The following PITPNM3 variants were observed in gnomAD, a reference collection of about 807,000 sequenced individuals.
PITPNM3 encodes membrane-associated phosphatidylinositol transfer protein 3.
Under a neutral mutation model 102.0 loss-of-function variants are expected in PITPNM3, and 26 were observed. The observed-to-expected ratio is 0.25, with a 90% CI of 0.19 to 0.35. The LOEUF is 0.35. Ranked by LOEUF, PITPNM3 falls within the 10% of genes least tolerant of loss-of-function variation. PITPNM3 has a pLI of 1.00. For missense variants in PITPNM3, 1,083 were observed against 1,346.1 expected (o/e 0.80, Z 3.06); for synonymous variants, 578 against 558.6 (o/e 1.03, Z -0.49).
intron 4 of PITPNM3, among the ~76,000 whole-genome samples, chr17:6,488,135 G>A (rs1906209751): frequency 6.6e-6 from 1 of 152,116 alleles, no homozygotes; most frequent in Non-Finnish European, 1.5e-5. Flanking sequence ...GACAAGCAGG[G>A]GCAGCCGTAG....
At chr17:6,539,344 G>C (rs1044229149) in intron 1 of PITPNM3, among the ~76,000 whole-genome samples, 2 of 152,040 alleles carry the variant, frequency 1.3e-5, no homozygotes, top group Non-Finnish European at 2.9e-5. Flanking sequence ...TGTATGTGGA[G>C]GACATTCTAG....
rs773041518 is a variant in PITPNM3, at chr17:6,471,228, G to A, written c.1557C>T (p.Ser519=). 44 of 1,613,144 alleles carry A rather than the reference G, an allele frequency of 2.7e-5. No individual in the cohort carries two copies. Among genetic ancestry groups the A allele is most frequent in the Middle Eastern group, 1.7e-4 (1 of 5,884 alleles). Residue 519 remains serine, a synonymous_variant, in exon 12 of 20, where the codon AGC becomes AGT. Coordinates refer to ENST00000262483, the MANE Select transcript of PITPNM3 (RefSeq NM_031220.4). ...AGCTCTCGCTGTGGGAGCTCCCCTC[G>A]CTCATCCTCCGTCCTGGGCGCTGGA... ...SRFQRPGRRM[S]EGSSHSESSE...
intron 1 of PITPNM3, 54 bp from the exon 2 acceptor site, chr17:6,538,136 G>T: frequency 7.1e-7 from 1 of 1,406,800 alleles, no homozygotes; most frequent in Non-Finnish European, 1.0e-6. Context: ...CCCAGTATGA[G>T]GGAGGTGACC....
At position 6,477,064 on chromosome 17, in the gene PITPNM3, G is replaced by A. The variant is rs762440586; in HGVS notation, c.1050C>T (p.Cys350=). 1.1e-5 allele frequency: 17 copies of A among 1,614,034 alleles called. No homozygotes were observed. Among genetic ancestry groups the A allele is most frequent in the South Asian group, 2.2e-5 (2 of 91,074 alleles). ...AGGCATGGTGCTGGGTGATGGCCTCGCAGTCATAGGTGGAGGAGTCGCTCT... is the reference window on the plus strand; with the variant it reads ...AGGCATGGTGCTGGGTGATGGCCTCACAGTCATAGGTGGAGGAGTCGCTCT... The part of the protein sequence containing the change: ...RKQSDSSTYD[C]EAITQHHAFL... Residue 350 remains cysteine (C), a synonymous_variant, in exon 9 of 20, where the codon TGC becomes TGT. Coordinates refer to ENST00000262483, the MANE Select transcript of PITPNM3 (RefSeq NM_031220.4).
At position 6,503,591 on chromosome 17, in the gene PITPNM3, G is replaced by C. The variant is rs1186289421; in HGVS notation, c.227-17C>G. Reference sequence around the variant, plus strand: ...TCCCTTCTCCTGCAGAAAAAGAAAAGAAACATGAGCAGATCCTTGACACTG... The same window carrying C: ...TCCCTTCTCCTGCAGAAAAAGAAAACAAACATGAGCAGATCCTTGACACTG... On this transcript the variant is annotated splice_polypyrimidine_tract_variant and intron_variant, in intron 3 of 19. Transcript: ENST00000262483. 1.9e-6 allele frequency: 3 copies of C among 1,606,448 alleles called. No homozygotes were observed. The East Asian group carries it at 6.7e-5, about 36-fold the overall frequency.
At chr17:6,488,432 C>T (rs1431921759) in intron 4 of PITPNM3, among the ~76,000 whole-genome samples, 1 of 152,028 alleles carries the variant, frequency 6.6e-6, no homozygotes, top group East Asian at 1.9e-4. Context: ...CGGCACTGGT[C>T]CTGGCTTACT....
intron 4 of PITPNM3, among the ~76,000 whole-genome samples, chr17:6,484,753 T>C (rs1220773846): frequency 2.6e-5 from 4 of 151,722 alleles, no homozygotes; most frequent in Non-Finnish European, 4.4e-5. Flanking sequence ...TGGTAAAACA[T>C]GTTCTCTGGG....
rs755638255 is a variant in PITPNM3, at chr17:6,455,656, G to C, written c.2620-13C>G. 8.6e-7 allele frequency: 1 copy of C among 1,159,634 alleles called. No individual in the cohort carries two copies. The highest frequency in any genetic ancestry group is 1.1e-6 in the Non-Finnish European group (1 of 882,268). 71.8% of individuals were successfully genotyped at this position (1,159,634 alleles called of 1,614,324 possible). ...CCTCGCTCAGGAACTGCGGAGGGCA[G>C]GGGAGGGCAGGGGAGGGCAGGGCAG... is the stretch of plus-strand genomic sequence containing the variant. On this transcript the variant is annotated splice_polypyrimidine_tract_variant and intron_variant, in intron 19 of 19. Transcript: ENST00000262483.
At chr17:6,463,698 G>A (rs745439365) in intron 17 of PITPNM3, 34 bp downstream of exon 17, 8 of 1,606,918 alleles carry the variant, frequency 5.0e-6, no homozygotes, top group Non-Finnish European at 5.9e-6. Context: ...CTGCCCCCCA[G>A]GGAGATATAG....
chr17:6,488,796 C>T (rs547304069), intron 4 of PITPNM3, among the ~76,000 whole-genome samples: 1 of 152,248 alleles, frequency 6.6e-6, no homozygotes, highest in East Asian at 1.9e-4. Flanking sequence ...TAAAGGGGAC[C>T]CCAGGACCTC....
chr17:6,464,822 T>A (rs778838525), intron 14 of PITPNM3, 51 bp from the exon 15 acceptor site: 5 of 1,567,846 alleles, frequency 3.2e-6, no homozygotes, highest in Non-Finnish European at 4.4e-6. Flanking sequence ...AGGCTCAACC[T>A]TGCTTTATCA....
chr17:6,452,287 G>A lies in PITPNM3; in HGVS notation c.*3051C>T, dbSNP rs1334503094. 6.6e-6 allele frequency: 1 copy of A among 152,218 alleles called. No homozygotes were observed. Among genetic ancestry groups the A allele is most frequent in the Non-Finnish European group, 1.5e-5 (1 of 68,046 alleles). 9.4% of individuals were successfully genotyped at this position (152,218 alleles called of 1,614,324 possible). ...CCATGATGCTGGAAGAGCAGGTCCT[G>A]GGCTAAGGATGCACCCTGAACCCCA... is the stretch of plus-strand genomic sequence containing the variant. On this transcript the variant is annotated 3_prime_UTR_variant, in exon 20 of 20. Coordinates refer to ENST00000262483, the MANE Select transcript of PITPNM3 (RefSeq NM_031220.4).
chr17:6,458,452 A>G lies in PITPNM3; in HGVS notation c.2491-730T>C, dbSNP rs539946102. On this transcript the variant is annotated intron_variant, in intron 18 of 19. Transcript: ENST00000262483. This position sits in a 1 kb window ranked among gnomAD's most constrained non-coding sequence, Gnocchi z 5.1. ...CCTGCCAAGCCCCACCATCACTGGGATGACCCACGGTCTGCATGACGTGAA... is the reference window on the plus strand; with the variant it reads ...CCTGCCAAGCCCCACCATCACTGGGGTGACCCACGGTCTGCATGACGTGAA... 2.7e-4 allele frequency among the ~76,000 whole-genome samples: 41 copies of G among 152,236 alleles called. No individual in the cohort carries two copies. In the South Asian group the frequency reaches 7.3e-3, roughly 27 times the overall value.
intron 10 of PITPNM3, chr17:6,473,102 C>T: frequency 2.0e-6 from 1 of 504,304 alleles, no homozygotes; most frequent in African/African-American, 1.9e-5. Context: ...CTCAAAACAT[C>T]CCTTCTCCTT....
intron 1 of PITPNM3, among the ~76,000 whole-genome samples, chr17:6,548,938 C>T (rs188438875): frequency 6.6e-6 from 1 of 152,230 alleles, no homozygotes; most frequent in Admixed American, 6.5e-5. Context: ...GGTTACTTCC[C>T]CTCCTTCCAG....
chr17:6,530,493 G>A (rs1042393786), intron 2 of PITPNM3, among the ~76,000 whole-genome samples: 5 of 152,204 alleles, frequency 3.3e-5, no homozygotes, highest in Non-Finnish European at 7.3e-5. Flanking sequence ...GGGGAGGGGA[G>A]GACCAGCCAG....
chr17:6,523,126 A>G (rs1337124847), intron 3 of PITPNM3, among the ~76,000 whole-genome samples: 1 of 152,096 alleles, frequency 6.6e-6, no homozygotes, highest in African/African-American at 2.4e-5. Flanking sequence ...AGGAAATAGT[A>G]CCAACCCTCG....
chr17:6,519,728 G>A (rs550465476), intron 3 of PITPNM3, among the ~76,000 whole-genome samples: 1 of 151,924 alleles, frequency 6.6e-6, no homozygotes, highest in African/African-American at 2.4e-5. Flanking sequence ...TATTCGGGAG[G>A]CTGAGGTAGG....
intron 3 of PITPNM3, among the ~76,000 whole-genome samples, chr17:6,523,071 T>C (rs1252619230): frequency 3.9e-5 from 6 of 152,142 alleles, no homozygotes; most frequent in African/African-American, 1.4e-4. Flanking sequence ...CCTCTTCCTC[T>C]TACCCTCTCT....
Sources: allele counts gnomAD v4.1 joint callset (sites outside exome capture counted in the v4.1 genomes callset), GRCh38; gene constraint gnomAD v4.1.1; non-coding constraint Gnocchi (gnomAD v3.1); transcripts MANE v1.5; gene names NCBI Gene and HGNC (gene_info 2026-07-23, HGNC 2026-07-21).